The following FBXO42 variants were observed in gnomAD, a reference collection of about 807,000 sequenced individuals.
FBXO42 encodes F-box protein 42.
A neutral mutation model predicts 71.7 loss-of-function variants in FBXO42; 12 were observed. That is an observed-to-expected ratio of 0.17 (90% confidence interval 0.11 to 0.27). The LOEUF (loss-of-function observed/expected upper bound fraction) is 0.27. FBXO42 is among the 10% of genes least tolerant of loss of function. The probability of loss-of-function intolerance (pLI) is 1.00; values close to 1 mark genes in which losing one functional copy is unlikely to be tolerated. For synonymous variants in FBXO42, 325 were observed against 327.5 expected (o/e 0.99, Z 0.08); for missense variants, 707 against 911.9 (o/e 0.78, Z 2.89).
chr1:16,273,259 A>G (rs2081864242), intron 4 of FBXO42, among the ~76,000 whole-genome samples: 1 of 152,188 alleles, frequency 6.6e-6, no homozygotes, highest in African/African-American at 2.4e-5. Flanking sequence ...TGGTATTACT[A>G]ACGAGCCTCC....
At chr1:16,316,605 C>T (rs562932662) in intron 1 of FBXO42, among the ~76,000 whole-genome samples, 55 of 151,434 alleles carry the variant, frequency 3.6e-4, no homozygotes, top group African/African-American at 1.2e-3. Flanking sequence ...TGTAGTGGCG[C>T]GTGCCTGTAA....
At position 16,315,279 on chromosome 1, in the gene FBXO42, A is replaced by G. The variant is rs2082352968; in HGVS notation, c.140T>C (p.Met47Thr). 6.2e-7 allele frequency: 1 copy of G among 1,614,122 alleles called. No homozygotes were observed. Among genetic ancestry groups the G allele is most frequent in the Non-Finnish European group, 8.5e-7 (1 of 1,180,018 alleles). The change falls in exon 2 of 10, where the codon ATG becomes ACG. Residue 47 changes from methionine to threonine, a missense_variant. Physicochemically the swap from Met to Thr is moderately conservative, Grantham distance 81 (BLOSUM62 -1). Around this residue, in one of 5 missense-constraint regions of FBXO42, gnomAD observed 188 missense variants for 230.5 expected, o/e 0.82. Coordinates refer to ENST00000375592, the MANE Select transcript of FBXO42 (RefSeq NM_018994.3). ...EAEETRHNRS[M>T]SELPEEVLEY... ...CAAAACCTCTTCTGGCAGCTCCGAC[A>G]TGGACCTATTATGTCTAGTCTCCTC...
At position 16,248,386 on chromosome 1, in the gene FBXO42, A is replaced by T. The variant is rs1420071426; in HGVS notation, c.*2284T>A. 1 of 152,224 alleles carries T rather than the reference A, an allele frequency of 6.6e-6. No individual in the cohort carries two copies. Among genetic ancestry groups the T allele is most frequent in the Non-Finnish European group, 1.5e-5 (1 of 68,030 alleles). 9.4% of individuals were successfully genotyped at this position (152,224 alleles called of 1,614,324 possible). On this transcript the variant is annotated 3_prime_UTR_variant, in exon 10 of 10. Transcript: ENST00000375592. ...TATGCGTCAAACTGGAATTCAATGG[A>T]GTTCAGAGGAACCAGATTACTTTCT...
intron 6 of FBXO42, among the ~76,000 whole-genome samples, chr1:16,254,337 A>G (rs2081618607): frequency 6.6e-6 from 1 of 152,238 alleles, no homozygotes; most frequent in Admixed American, 6.5e-5. Context: ...AGAAGAGAAA[A>G]AACGATTCAA....
chr1:16,333,553 C>T (rs2082523260), intron 1 of FBXO42, among the ~76,000 whole-genome samples: 1 of 151,666 alleles, frequency 6.6e-6, no homozygotes, highest in Non-Finnish European at 1.5e-5. Flanking sequence ...TGCACCACTG[C>T]ACTCCAGCCT....
intron 4 of FBXO42, among the ~76,000 whole-genome samples, chr1:16,261,848 C>T (rs1175490711): frequency 2.0e-5 from 3 of 151,960 alleles, no homozygotes; most frequent in African/African-American, 7.3e-5. Context: ...GGACTACAGG[C>T]ACCCCCCGCC....
Position 16,271,258 on chromosome 1 carries a change from G to GGTGTGTGTGT in FBXO42, c.503-14509_503-14500dup, listed in dbSNP as rs57827739. ...TAACTACTGTGTGCGTGTGTGTGTT[G>GGTGTGTGTGT]GTGTGTGTGTGTGTGTGTGTGTGTG... On this transcript the variant is annotated intron_variant, in intron 4 of 9. Transcript: ENST00000375592. 5.6e-3 allele frequency among the ~76,000 whole-genome samples: 772 copies of GGTGTGTGTGT among 137,490 alleles called. 4 individuals are homozygous for GGTGTGTGTGT. Among genetic ancestry groups the GGTGTGTGTGT allele is most frequent in the Non-Finnish European group, 7.4e-3 (479 of 64,468 alleles). The allele number at this position is 137,490 out of a possible 152,430, so 90.2% of individuals were successfully genotyped here. A position where few individuals can be genotyped will look rare whatever the true frequency, so the allele number is the denominator to read the frequency against.
chr1:16,315,492 T>C (rs1237693587), intron 1 of FBXO42, 57 bp from the exon 2 acceptor site: 3 of 1,534,688 alleles, frequency 2.0e-6, no homozygotes, highest in Non-Finnish European at 2.7e-6. Flanking sequence ...CAAAAACAAT[T>C]CAGGCATGTA....
intron 1 of FBXO42, among the ~76,000 whole-genome samples, chr1:16,350,757 A>AAAAAAAAGAAAGAAAG (rs1553156683): frequency 2.3e-5 from 1 of 44,248 alleles, no homozygotes; most frequent in African/African-American, 8.5e-5. Flanking sequence ...AAAAAAAAAA[A>AAAAAAAAGAAAGAAAG]AAAGAAAGAA....
chr1:16,352,476 C>T lies in FBXO42; in HGVS notation c.-239G>A. 1 of 396,304 alleles carries T rather than the reference C, an allele frequency of 2.5e-6. No individual in the cohort carries two copies. The highest frequency in any genetic ancestry group is 3.6e-5 in the East Asian group (1 of 27,964). 24.5% of individuals were successfully genotyped at this position (396,304 alleles called of 1,614,324 possible). ...TGCTGCTCAGGCCGGGAGAAGACAG[C>T]GCAGAGCGCGCATGCGCCGGGGCGG... is the stretch of plus-strand genomic sequence containing the variant. On this transcript the variant is annotated 5_prime_UTR_variant, in exon 1 of 10. Coordinates refer to ENST00000375592, the MANE Select transcript of FBXO42 (RefSeq NM_018994.3).
At chr1:16,294,651 T>C (rs1189741095) in intron 4 of FBXO42, 132 bp downstream of exon 4, 10 of 825,096 alleles carry the variant, frequency 1.2e-5, no homozygotes, top group African/African-American at 5.1e-5. Context: ...ATCATTTACA[T>C]GGCACATTAA....
At chr1:16,264,686 G>A (rs558594576) in intron 4 of FBXO42, among the ~76,000 whole-genome samples, 4 of 152,140 alleles carry the variant, frequency 2.6e-5, no homozygotes, top group East Asian at 1.9e-4. Context: ...CTCCTAAATC[G>A]CACAGCAGAT....
intron 1 of FBXO42, among the ~76,000 whole-genome samples, chr1:16,321,081 A>G (rs1000884942): frequency 1.3e-5 from 2 of 152,142 alleles, no homozygotes. Context: ...CTCTTTCCAA[A>G]TTGTCTTAAA....
At chr1:16,279,323 G>C (rs937300879) in intron 4 of FBXO42, among the ~76,000 whole-genome samples, 1 of 152,064 alleles carries the variant, frequency 6.6e-6, no homozygotes. Flanking sequence ...CTTGAAAGAA[G>C]GGAGGCTGAG....
At chr1:16,334,523 T>C (rs1211812617) in intron 1 of FBXO42, among the ~76,000 whole-genome samples, 1 of 152,118 alleles carries the variant, frequency 6.6e-6, no homozygotes, top group Non-Finnish European at 1.5e-5. Flanking sequence ...ATGGTCTATG[T>C]TAAACAGTCC....
Position 16,272,617 on chromosome 1 carries a change from A to G in FBXO42, c.503-15858T>C, listed in dbSNP as rs553863797. 2.0e-5 allele frequency among the ~76,000 whole-genome samples: 3 copies of G among 152,288 alleles called. No individual in the cohort carries two copies. In the East Asian group the frequency reaches 5.8e-4, roughly 29 times the overall value. ...GCTGAAGGAACAAGAGTATGCACAA[A>G]GGTAGAGGTGGAGAGAAGGGAAGAT... On this transcript the variant is annotated intron_variant, in intron 4 of 9. Coordinates refer to ENST00000375592, the MANE Select transcript of FBXO42 (RefSeq NM_018994.3).
intron 1 of FBXO42, among the ~76,000 whole-genome samples, chr1:16,322,543 T>C (rs2082416726): frequency 6.6e-6 from 1 of 152,122 alleles, no homozygotes; most frequent in Non-Finnish European, 1.5e-5. Context: ...ACCACTGTAC[T>C]CCAGCCTGGG....
intron 1 of FBXO42, among the ~76,000 whole-genome samples, chr1:16,339,059 C>T (rs1483642697): frequency 6.6e-6 from 1 of 152,068 alleles, no homozygotes; most frequent in Non-Finnish European, 1.5e-5. Context: ...ATCCACCCAT[C>T]TCAGCCTACC....
At chr1:16,326,014 T>TTTTGTGTGTGTGTGTGTG (rs1553154799) in intron 1 of FBXO42, among the ~76,000 whole-genome samples, 2 of 137,420 alleles carry the variant, frequency 1.5e-5, no homozygotes, top group Non-Finnish European at 3.2e-5. Context: ...GTGCCCAAAT[T>TTTTGTGTGTGTGTGTGTG]TGTGTGTGTG....
Sources: allele counts gnomAD v4.1 joint callset (sites outside exome capture counted in the v4.1 genomes callset), GRCh38; gene constraint gnomAD v4.1.1; regional missense constraint gnomAD v4.1.1; transcripts MANE v1.5; gene names NCBI Gene and HGNC (gene_info 2026-07-23, HGNC 2026-07-21).